Variants in UBAP2 observed in about 807,000 individuals in gnomAD.
UBAP2 encodes ubiquitin-associated protein 2.
A neutral mutation model predicts 139.6 loss-of-function variants in UBAP2; 75 were observed. The ratio of observed to expected loss-of-function variants is 0.54; its 90% CI spans 0.45 to 0.65. The LOEUF is 0.65. Ranked by LOEUF, UBAP2 falls within the 30% of genes least tolerant of loss-of-function variation. The pLI, the probability that UBAP2 is intolerant of heterozygous loss-of-function variation, is 0.00. For synonymous variants in UBAP2, 526 were observed against 526.2 expected (o/e 1.00, Z 0.01); for missense variants, 1,368 against 1,369.6 (o/e 1.00, Z 0.02).
At chr9:33,963,671 G>A (rs139216466) in intron 9 of UBAP2, 55 bp downstream of exon 9, 21,786 of 1,086,818 alleles carry the variant, frequency 0.02, 304 homozygotes, top group South Asian at 0.029. Context: ...GAAAGATATT[G>A]CAAGCAATTT....
At chr9:33,985,381 C>T (rs1821114971) in intron 6 of UBAP2, among the ~76,000 whole-genome samples, 1 of 152,102 alleles carries the variant, frequency 6.6e-6, no homozygotes, top group Admixed American at 6.5e-5. Context: ...TGAAGTGAAG[C>T]ACTATTCACA....
chr9:33,960,805 C>T (rs1171173912), intron 10 of UBAP2, 21 bp downstream of exon 10: 8 of 1,601,182 alleles, frequency 5.0e-6, no homozygotes, highest in Non-Finnish European at 6.8e-6. Flanking sequence ...AGAAAGGTCT[C>T]ATCTGACAGC....
chr9:33,996,475 A>G (rs1029987037), intron 3 of UBAP2, 142 bp from the exon 4 acceptor site: 1 of 584,786 alleles, frequency 1.7e-6, no homozygotes, highest in African/African-American at 1.9e-5. Context: ...CAATGAGGAC[A>G]TGTTTACTTA....
intron 19 of UBAP2, among the ~76,000 whole-genome samples, chr9:33,929,682 G>C (rs941826782): frequency 6.6e-6 from 1 of 152,042 alleles, no homozygotes; most frequent in Non-Finnish European, 1.5e-5. Flanking sequence ...CCAAAGACCT[G>C]ACAAAAAAAG....
At chr9:33,978,249 G>C (rs931750065) in intron 6 of UBAP2, among the ~76,000 whole-genome samples, 1 of 151,858 alleles carries the variant, frequency 6.6e-6, no homozygotes, top group Non-Finnish European at 1.5e-5. Context: ...AAATTTAAAC[G>C]TAAGCTGGGT....
chr9:33,923,695 G>T (rs1184308703), intron 24 of UBAP2, 100 bp downstream of exon 24: 3 of 1,306,022 alleles, frequency 2.3e-6, no homozygotes, highest in Non-Finnish European at 3.3e-6. Flanking sequence ...AGACGGAGTG[G>T]AATCACAACC....
intron 6 of UBAP2, among the ~76,000 whole-genome samples, chr9:33,984,581 G>A (rs1273403349): frequency 6.6e-6 from 1 of 151,902 alleles, no homozygotes; most frequent in East Asian, 1.9e-4. Flanking sequence ...AGGAGGCTGA[G>A]GTGGAAGTAT....
Position 33,953,489 on chromosome 9 carries a change from A to G in UBAP2, c.867-15T>C, listed in dbSNP as rs751727567. 6.2e-7 allele frequency: 1 copy of G among 1,606,766 alleles called. No individual in the cohort carries two copies. The highest frequency in any genetic ancestry group is 1.1e-5 in the South Asian group (1 of 90,430). On this transcript the variant is annotated splice_polypyrimidine_tract_variant and intron_variant, in intron 11 of 28. Coordinates refer to ENST00000379238, the MANE Select transcript of UBAP2 (RefSeq NM_001370062.2). ...CCAGATCAATGCTAAGCAGACAAAAAGCAATGAGGAACCAGTCATAAGCAA... is the reference window on the plus strand; with the variant it reads ...CCAGATCAATGCTAAGCAGACAAAAGGCAATGAGGAACCAGTCATAAGCAA...
Position 33,941,583 on chromosome 9 carries a change from T to A in UBAP2, c.1929+66A>T, listed in dbSNP as rs929403051. The A allele has an allele frequency of 2.8e-5, 38 of 1,351,384 alleles. No homozygotes were observed. In the African/African-American group the frequency reaches 4.9e-4, roughly 17 times the overall value. The allele number at this position is 1,351,384 out of a possible 1,614,324, so 83.7% of individuals were successfully genotyped here. A position where few individuals can be genotyped will look rare whatever the true frequency, so the allele number is the denominator to read the frequency against. On this transcript the variant is annotated intron_variant, in intron 16 of 28. Transcript: ENST00000379238. ...TAAAATCATATCCAAGAAGCATAAT[T>A]TAACCAAACATTAATTTCCAAATAA...
intron 4 of UBAP2, among the ~76,000 whole-genome samples, chr9:33,993,066 CAACCA>C (rs1315854412): frequency 3.3e-5 from 5 of 152,200 alleles, no homozygotes; most frequent in African/African-American, 4.8e-5. Context: ...TTTGTCACAT[CAACCA>C]AACATTATGA....
chr9:33,934,275 T>C (rs1396377372), intron 17 of UBAP2: 1 of 156,370 alleles, frequency 6.4e-6, no homozygotes, highest in East Asian at 1.9e-4. Context: ...AGAAAGGATG[T>C]GGAGACACTC....
intron 2 of UBAP2, among the ~76,000 whole-genome samples, chr9:34,004,398 C>A (rs1484698983): frequency 6.6e-6 from 1 of 151,844 alleles, no homozygotes; most frequent in Non-Finnish European, 1.5e-5. Flanking sequence ...GTGGGAGGAT[C>A]ACCTTAGCCC....
At chr9:34,038,455 G>C (rs1027963741) in intron 1 of UBAP2, among the ~76,000 whole-genome samples, 2 of 151,750 alleles carry the variant, frequency 1.3e-5, no homozygotes, top group African/African-American at 2.4e-5. Flanking sequence ...ACTGGTTTTC[G>C]TATTTTTTTG....
intron 8 of UBAP2, 115 bp downstream of exon 8, chr9:33,971,536 C>A (rs1827915911): frequency 2.9e-6 from 2 of 690,344 alleles, no homozygotes; most frequent in Non-Finnish European, 5.2e-6. Context: ...AGGACAGTAG[C>A]CTGTTTTTCA....
intron 2 of UBAP2, among the ~76,000 whole-genome samples, chr9:34,012,996 C>G (rs530103905): frequency 6.2e-4 from 94 of 151,280 alleles, no homozygotes; most frequent in Admixed American, 3.0e-3. Flanking sequence ...TCTACTAAAA[C>G]TACTAAAATT....
chr9:34,000,169 T>C (rs190408266), intron 2 of UBAP2, among the ~76,000 whole-genome samples: 1 of 152,060 alleles, frequency 6.6e-6, no homozygotes, highest in East Asian at 1.9e-4. Context: ...GACTGCGGTG[T>C]AGTGATGCCA....
intron 1 of UBAP2, among the ~76,000 whole-genome samples, chr9:34,038,995 G>A (rs1162177989): frequency 4.8e-5 from 7 of 146,354 alleles, no homozygotes; most frequent in Non-Finnish European, 9.0e-5. Context: ...GTTGAGGAGC[G>A]TCTCTGCCCG....
intron 12 of UBAP2, among the ~76,000 whole-genome samples, chr9:33,951,370 TAG>T (rs1826092068): frequency 8.4e-6 from 1 of 119,032 alleles, no homozygotes; most frequent in Non-Finnish European, 1.7e-5. Context: ...TTTTTTGAGA[TAG>T]AGTTTCTCTC....
chr9:33,962,430 G>A (rs897709674), intron 9 of UBAP2, among the ~76,000 whole-genome samples: 4 of 151,730 alleles, frequency 2.6e-5, no homozygotes, highest in Non-Finnish European at 5.9e-5. Flanking sequence ...GGTGGATCAC[G>A]AGGTCAGGAG....
Sources: allele counts gnomAD v4.1 joint callset (sites outside exome capture counted in the v4.1 genomes callset), GRCh38; gene constraint gnomAD v4.1.1; transcripts MANE v1.5; gene names NCBI Gene and HGNC (gene_info 2026-07-23, HGNC 2026-07-21).